SOD2: variants seen among roughly 807,000 people sequenced by gnomAD.
SOD2 encodes the protein superoxide dismutase [Mn], mitochondrial.
Under a neutral mutation model 27.0 loss-of-function variants are expected in SOD2, and 11 were observed. The ratio of observed to expected loss-of-function variants is 0.41; its 90% CI spans 0.26 to 0.67. The LOEUF (loss-of-function observed/expected upper bound fraction) is 0.67. SOD2 is among the 30% of genes least tolerant of loss of function. SOD2 has a pLI of 0.34. For missense variants in SOD2, 250 were observed against 274.5 expected, an observed-to-expected ratio of 0.91 and a Z score of 0.63; for synonymous variants, 105 against 103.0, an observed-to-expected ratio of 1.02 and a Z score of -0.12.
intron 1 of SOD2, chr6:159,755,519 G>A (rs140439442): frequency 7.4e-5 from 119 of 1,614,058 alleles, no homozygotes; most frequent in Non-Finnish European, 9.7e-5. Context: ...AGAGGAGAAA[G>A]CAGTGAGTGG....
intron 1 of SOD2, chr6:159,726,957 C>T: frequency 2.3e-6 from 3 of 1,286,426 alleles, no homozygotes; most frequent in Non-Finnish European, 3.0e-6. Context: ...GGATGAGCGT[C>T]ACGAACACAG....
At chr6:159,740,119 ACAGGCATGGGCCACC>A (rs1268278923) in intron 1 of SOD2, among the ~76,000 whole-genome samples, 4 of 151,842 alleles carry the variant, frequency 2.6e-5, no homozygotes, top group Non-Finnish European at 5.9e-5. Flanking sequence ...TGCTGGGATT[ACAGGCATGGGCCACC>A]ATGCCTGGCC....
intron 1 of SOD2, among the ~76,000 whole-genome samples, chr6:159,743,412 A>G (rs1293427210): frequency 1.3e-5 from 2 of 152,212 alleles, no homozygotes; most frequent in African/African-American, 4.8e-5. Context: ...TATAACACAG[A>G]TGTTTTCTGT....
chr6:159,700,652 C>CAAAA (rs11294344), intron 1 of SOD2, among the ~76,000 whole-genome samples: 2 of 122,194 alleles, frequency 1.6e-5, no homozygotes. Context: ...GACTCTGTCT[C>CAAAA]AAAAAAAAAA....
intron 1 of SOD2, chr6:159,741,958 A>AG: frequency 1.4e-6 from 1 of 708,774 alleles, no homozygotes; most frequent in Non-Finnish European, 2.3e-6. Context: ...TCTAAAAAAA[A>AG]CTAGATTTAA....
intron 1 of SOD2, among the ~76,000 whole-genome samples, chr6:159,723,147 G>A (rs898012560): frequency 6.6e-6 from 1 of 152,186 alleles, no homozygotes; most frequent in Non-Finnish European, 1.5e-5. Context: ...GATGGTGGCT[G>A]ACTCCCTTGC....
At chr6:159,739,209 C>T (rs1779096404) in intron 1 of SOD2, among the ~76,000 whole-genome samples, 1 of 151,994 alleles carries the variant, frequency 6.6e-6, no homozygotes, top group Admixed American at 6.6e-5. Context: ...TATATTAACA[C>T]CGAGGAAAAC....
At chr6:159,732,212 T>G (rs1778614988), upstream of SOD2, among the ~76,000 whole-genome samples, 1 of 151,666 alleles carries the variant, frequency 6.6e-6, no homozygotes, top group Non-Finnish European at 1.5e-5. Flanking sequence ...AAAACCTGGG[T>G]TGGTCAAGGA....
At position 159,674,741 on chromosome 6, in the gene SOD2, G is replaced by A; in HGVS notation, c.*7752C>T. On this transcript the variant is annotated 3_prime_UTR_variant, in exon 5 of 5. Coordinates refer to ENST00000538183, the MANE Select transcript of SOD2 (RefSeq NM_000636.4). ...TATTCAACATAGTGTTGGAAGTTCTGGCCAGGGCCATCAGGCAGGAGAAAG... is the reference window on the plus strand; with the variant it reads ...TATTCAACATAGTGTTGGAAGTTCTAGCCAGGGCCATCAGGCAGGAGAAAG... 6.6e-6 allele frequency: 1 copy of A among 152,206 alleles called. No homozygotes were observed. The highest frequency in any genetic ancestry group is 1.5e-5 in the Non-Finnish European group (1 of 68,044). 9.4% of individuals were successfully genotyped at this position (152,206 alleles called of 1,614,324 possible).
At chr6:159,723,847 C>A (rs972045879) in intron 1 of SOD2, among the ~76,000 whole-genome samples, 1 of 152,198 alleles carries the variant, frequency 6.6e-6, no homozygotes, top group Non-Finnish European at 1.5e-5. Flanking sequence ...TAACTTTAAA[C>A]TCCTGGGCTC....
chr6:159,724,399 G>C (rs1324493412), intron 1 of SOD2, among the ~76,000 whole-genome samples: 2 of 152,178 alleles, frequency 1.3e-5, no homozygotes, highest in African/African-American at 4.8e-5. Flanking sequence ...ACAGTACAGA[G>C]TTTTAAAACC....
At chr6:159,705,029 C>G (rs867478690) in intron 1 of SOD2, among the ~76,000 whole-genome samples, 2 of 152,312 alleles carry the variant, frequency 1.3e-5, no homozygotes, top group Admixed American at 6.5e-5. Flanking sequence ...TGGAGTGGAC[C>G]TCCAGCAAAC....
At chr6:159,744,339 G>A (rs953325314) in intron 1 of SOD2, among the ~76,000 whole-genome samples, 2 of 152,014 alleles carry the variant, frequency 1.3e-5, no homozygotes, top group Non-Finnish European at 2.9e-5. Context: ...TCAATCTTAC[G>A]GTGTAATTAT....
upstream of SOD2, among the ~76,000 whole-genome samples, chr6:159,731,467 C>CA (rs1262700405): frequency 6.6e-6 from 1 of 151,646 alleles, no homozygotes; most frequent in Non-Finnish European, 1.5e-5. Flanking sequence ...GACTCTGTCT[C>CA]AAAAAAAGAG....
rs1321804851 is a variant in SOD2 at position 159,674,885 on chromosome 6, C to G, written c.*7608G>C. ...CCCAAAATCTCCTTAATTTGATAAG[C>G]AACTTCAGCAAAATCTCAGGATACA... On this transcript the variant is annotated 3_prime_UTR_variant, in exon 5 of 5. Coordinates refer to ENST00000538183, the MANE Select transcript of SOD2 (RefSeq NM_000636.4). The G allele has an allele frequency of 6.6e-6, 1 of 152,184 alleles. No homozygotes were observed. Among genetic ancestry groups the G allele is most frequent in the Non-Finnish European group, 1.5e-5 (1 of 68,046 alleles). 9.4% of individuals were successfully genotyped at this position (152,184 alleles called of 1,614,324 possible).
intron 1 of SOD2, among the ~76,000 whole-genome samples, chr6:159,752,359 TTC>T (rs1382405218): frequency 8.5e-5 from 13 of 152,232 alleles, no homozygotes; most frequent in African/African-American, 2.7e-4. Context: ...TTCTTTTTTT[TTC>T]TTTTTTCATA....
intron 1 of SOD2, chr6:159,736,215 A>C: frequency 1.3e-6 from 2 of 1,570,754 alleles, no homozygotes; most frequent in Non-Finnish European, 1.7e-6. Flanking sequence ...CTTTCACTGG[A>C]AGAAAATAAA....
At chr6:159,742,062 CTAATG>C (rs1313527372) in intron 1 of SOD2, 1 of 1,528,252 alleles carries the variant, frequency 6.5e-7, no homozygotes, top group Non-Finnish European at 9.0e-7. Flanking sequence ...ATCGTAACAA[CTAATG>C]TATGGATTTT....
rs149699713 is a variant in SOD2 at position 159,681,606 on chromosome 6, C to G, written c.*887G>C. 6 of 152,398 alleles carry G rather than the reference C, an allele frequency of 3.9e-5. No individual in the cohort carries two copies. In the East Asian group the frequency reaches 1.2e-3, roughly 29 times the overall value. 9.4% of individuals were successfully genotyped at this position (152,398 alleles called of 1,614,324 possible). A position where few individuals can be genotyped will look rare whatever the true frequency, so the allele number is the denominator to read the frequency against. ...CTGTAAGCCCGCCCCCTGCCTACCCCACTTCACCTTTCAGGCCAAACCAAT... is the reference window on the plus strand; with the variant it reads ...CTGTAAGCCCGCCCCCTGCCTACCCGACTTCACCTTTCAGGCCAAACCAAT... On this transcript the variant is annotated 3_prime_UTR_variant, in exon 5 of 5. Coordinates refer to ENST00000538183, the MANE Select transcript of SOD2 (RefSeq NM_000636.4).
Sources: gnomAD v4.1 joint callset for allele counts (sites outside exome capture counted in the v4.1 genomes callset) on GRCh38, gnomAD v4.1.1 for gene constraint, MANE v1.5 for transcripts, NCBI Gene and HGNC (gene_info 2026-07-23, HGNC 2026-07-21) for gene names.